OTUD5: variants seen among roughly 807,000 people sequenced by gnomAD.
OTUD5 encodes the protein OTU deubiquitinase 5.
OTUD5 carries 2 observed loss-of-function variants against 36.3 expected under a neutral mutation model. The ratio of observed to expected loss-of-function variants is 0.06; its 90% CI spans 0.02 to 0.17. The LOEUF is 0.17. OTUD5 is among the 10% of genes least tolerant of loss of function. The probability of loss-of-function intolerance (pLI) is 1.00; values close to 1 mark genes in which losing one functional copy is unlikely to be tolerated. For synonymous variants in OTUD5, 234 were observed against 214.9 expected, an observed-to-expected ratio of 1.09 and a Z score of -0.78; for missense variants, 233 against 512.3, an observed-to-expected ratio of 0.45 and a Z score of 5.26.
At position 48,957,217 on chromosome X, in the gene OTUD5, G is replaced by C; in HGVS notation, c.354C>G (p.Gly118=). The change falls in exon 1 of 9, where the codon GGC becomes GGG. Residue 118 remains glycine, a synonymous_variant. Coordinates refer to ENST00000376488, the MANE Select transcript of OTUD5 (RefSeq NM_001136157.2). Reference sequence around the variant, plus strand: ...CGGCACCCACACCCGCCGCCGCTGCGCCCAGCGCGTCGCCGGGACCGCCGC... The same window carrying C: ...CGGCACCCACACCCGCCGCCGCTGCCCCCAGCGCGTCGCCGGGACCGCCGC... ...GPGGGPGDAL[G]AAAAGVGAAG... 1 of 1,096,247 alleles carries C rather than the reference G, an allele frequency of 9.1e-7. No individual in the cohort carries two copies. Among genetic ancestry groups the C allele is most frequent in the Non-Finnish European group, 1.2e-6 (1 of 849,087 alleles). The allele number at this position is 1,096,247 out of a possible 1,213,427, so 90.3% of individuals were successfully genotyped here.
Position 48,944,381 on chromosome X carries a change from G to A in OTUD5, c.595-98C>T, listed in dbSNP as rs1407645183. The A allele has an allele frequency of 3.2e-5, 17 of 531,176 alleles. No homozygotes were observed. In the African/African-American group the frequency reaches 3.9e-4, roughly 12 times the overall value. 43.8% of individuals were successfully genotyped at this position (531,176 alleles called of 1,213,427 possible). ...CCGAGAGGCCTAGATCATTGACAGA[G>A]AGGACGCTGGCCAAGGTAAAGTTCT... On this transcript the variant is annotated intron_variant, in intron 1 of 8. Transcript: ENST00000376488.
intron 1 of OTUD5, among the ~76,000 whole-genome samples, chrX:48,949,636 C>G (rs1214362464): frequency 9.0e-6 from 1 of 111,198 alleles, no homozygotes; most frequent in Non-Finnish European, 1.9e-5. Flanking sequence ...CGAGATAGCA[C>G]CACTGCACTC....
chrX:48,928,936 G>A (rs1344530383), intron 5 of OTUD5, among the ~76,000 whole-genome samples: 2 of 110,872 alleles, frequency 1.8e-5, no homozygotes, highest in African/African-American at 6.6e-5. Context: ...CAGGAAGAGG[G>A]AGGAAGGGAG....
chrX:48,951,286 C>A (rs957949674), intron 1 of OTUD5, among the ~76,000 whole-genome samples: 2 of 111,927 alleles, frequency 1.8e-5, no homozygotes, highest in Non-Finnish European at 1.9e-5. Flanking sequence ...CCCCCTCCAG[C>A]AAAGCACCCA....
chrX:48,929,406 TA>T (rs1478589534), intron 5 of OTUD5, among the ~76,000 whole-genome samples: 2 of 100,921 alleles, frequency 2.0e-5, no homozygotes, highest in African/African-American at 3.7e-5. Context: ...AATAAATAAA[TA>T]AAATAAAATA....
intron 5 of OTUD5, among the ~76,000 whole-genome samples, chrX:48,929,203 T>TA (rs1466723372): frequency 9.7e-6 from 1 of 102,827 alleles, no homozygotes; most frequent in East Asian, 3.1e-4. Context: ...GCCTGGCCAA[T>TA]ATGGTGAAAC....
chrX:48,933,830 C>G (rs1010466228), intron 5 of OTUD5, among the ~76,000 whole-genome samples: 6 of 111,542 alleles, frequency 5.4e-5, no homozygotes, highest in South Asian at 7.3e-4. Context: ...TATGTGTTTC[C>G]GAAAATGAAG....
At chrX:48,930,612 T>C (rs191603132) in intron 5 of OTUD5, among the ~76,000 whole-genome samples, 3 of 112,076 alleles carry the variant, frequency 2.7e-5, no homozygotes, top group Non-Finnish European at 3.8e-5. Flanking sequence ...ATTCAACACC[T>C]AGGTCTTGAT....
At chrX:48,946,599 T>C (rs1274633783) in intron 1 of OTUD5, among the ~76,000 whole-genome samples, 1 of 112,016 alleles carries the variant, frequency 8.9e-6, no homozygotes, top group Admixed American at 9.5e-5. Context: ...CTCCTGTTTG[T>C]GCACAACATT....
upstream of OTUD5, chrX:48,957,764 G>C (rs1478274437): frequency 1.5e-5 from 12 of 790,639 alleles, no homozygotes; most frequent in African/African-American, 2.3e-5. Context: ...GCGGCGCGCG[G>C]GTCACGCCGA....
chrX:48,943,222 C>T (rs1187256433), intron 2 of OTUD5, among the ~76,000 whole-genome samples: 2 of 111,788 alleles, frequency 1.8e-5, no homozygotes, highest in East Asian at 5.6e-4. Flanking sequence ...ACATTCCCAG[C>T]TTCCCCTTCA....
chrX:48,932,769 C>A (rs372591865), intron 5 of OTUD5, among the ~76,000 whole-genome samples: 3 of 110,924 alleles, frequency 2.7e-5, no homozygotes, highest in East Asian at 5.6e-4. Context: ...TATAGTGAGA[C>A]CTTGTCTCTA....
intron 5 of OTUD5, among the ~76,000 whole-genome samples, chrX:48,928,580 A>G (rs1444144643): frequency 9.0e-6 from 1 of 111,477 alleles, no homozygotes; most frequent in East Asian, 2.8e-4. Context: ...CAATACCAGC[A>G]CTTTGAGAGG....
Position 48,923,240 on chromosome X carries a change from T to C in OTUD5, c.1635A>G (p.Gln545=), listed in dbSNP as rs1453436419. ...TCTTCATACTGTCTAGGTATTCCTG[T>C]TGGGACACTGCCAGCACCGAAGCTA... ...EILASVLAVS[Q]QEYLDSMKKN... Residue 545 remains glutamine (Q), a synonymous_variant, in exon 9 of 9, where the codon CAA becomes CAG. Coordinates refer to ENST00000376488, the MANE Select transcript of OTUD5 (RefSeq NM_001136157.2). The C allele has an allele frequency of 1.7e-6, 2 of 1,209,377 alleles. No homozygotes were observed. The highest frequency in any genetic ancestry group is 2.2e-6 in the Non-Finnish European group (2 of 893,830).
intron 2 of OTUD5, 71 bp from the exon 3 acceptor site, chrX:48,935,089 C>T: frequency 3.0e-6 from 3 of 993,337 alleles, no homozygotes; most frequent in Non-Finnish European, 4.2e-6. Context: ...ATAGAACATC[C>T]TTTGGGGAGG....
At chrX:48,955,592 A>G (rs1432061418) in intron 1 of OTUD5, among the ~76,000 whole-genome samples, 1 of 110,747 alleles carries the variant, frequency 9.0e-6, no homozygotes, top group African/African-American at 3.3e-5. Context: ...AAAAGTAGGC[A>G]AAGATCTGTA....
chrX:48,948,631 C>T (rs377380992), intron 1 of OTUD5, among the ~76,000 whole-genome samples: 3 of 110,869 alleles, frequency 2.7e-5, no homozygotes, highest in Non-Finnish European at 3.8e-5. Context: ...CTGCTAGCCA[C>T]CCACTGGCTT....
At chrX:48,946,298 C>G (rs2064028618) in intron 1 of OTUD5, among the ~76,000 whole-genome samples, 1 of 111,981 alleles carries the variant, frequency 8.9e-6, no homozygotes. Flanking sequence ...CCGGACAGAG[C>G]TGTGAGGAGT....
rs200180396 is a variant in OTUD5 at position 48,952,060 on chromosome X, AAAAAAC to A, written c.594+4911_594+4916del. ...AGCAGAGCAAGACTCCACCTTAAAA[AAAAAAC>A]AAAAACAAAAACAAAAACCAAAAAA... is the stretch of plus-strand genomic sequence containing the variant. On this transcript the variant is annotated intron_variant, in intron 1 of 8. Coordinates refer to ENST00000376488, the MANE Select transcript of OTUD5 (RefSeq NM_001136157.2). Among the ~76,000 whole-genome samples, 1,051 of 111,708 alleles carry A rather than the reference AAAAAAC, an allele frequency of 9.4e-3. 15 individuals are homozygous for A. The highest frequency in any genetic ancestry group is 0.032 in the African/African-American group (978 of 30,697).
Sources: allele counts gnomAD v4.1 joint callset (sites outside exome capture counted in the v4.1 genomes callset), GRCh38; gene constraint gnomAD v4.1.1; transcripts MANE v1.5; gene names NCBI Gene and HGNC (gene_info 2026-07-23, HGNC 2026-07-21).